The following GPC5 variants were observed in gnomAD, a reference collection of about 807,000 sequenced individuals.
The protein encoded by GPC5 is glypican-5.
A neutral mutation model predicts 53.9 loss-of-function variants in GPC5; 47 were observed. The ratio of observed to expected loss-of-function variants is 0.87; its 90% CI spans 0.69 to 1.11. The LOEUF (loss-of-function observed/expected upper bound fraction) is 1.11, where lower values mean the gene tolerates loss of function less well. Among genes scored for constraint, GPC5 ranks in the 50% most tolerant of loss-of-function variants. The probability of loss-of-function intolerance (pLI) is 0.00; values close to 1 mark genes in which losing one functional copy is unlikely to be tolerated. For synonymous variants in GPC5, 286 were observed against 263.3 expected (o/e 1.09, Z -0.84); for missense variants, 748 against 713.1 (o/e 1.05, Z -0.56).
At chr13:92,224,830 G>A (rs2042473338) in intron 7 of GPC5, among the ~76,000 whole-genome samples, 2 of 152,166 alleles carry the variant, frequency 1.3e-5, no homozygotes, top group Admixed American at 6.5e-5. Flanking sequence ...AGAAGCTTGT[G>A]CCTGGTTTCT....
At chr13:92,553,460 T>C (rs998848938) in intron 7 of GPC5, among the ~76,000 whole-genome samples, 1 of 151,996 alleles carries the variant, frequency 6.6e-6, no homozygotes, top group African/African-American at 2.4e-5. Context: ...AGTAGCCCTT[T>C]TGACATGTAG....
At chr13:92,106,345 A>C (rs150360775) in intron 6 of GPC5, among the ~76,000 whole-genome samples, 2 of 152,148 alleles carry the variant, frequency 1.3e-5, no homozygotes, top group African/African-American at 4.8e-5. Context: ...GATTGAGTTA[A>C]ATTTTGAAAA....
intron 6 of GPC5, among the ~76,000 whole-genome samples, chr13:91,940,325 C>A (rs917387411): frequency 2.0e-5 from 3 of 152,132 alleles, no homozygotes; most frequent in Admixed American, 2.0e-4. Flanking sequence ...GACATGATTT[C>A]ATCCTTTTTT....
intron 7 of GPC5, among the ~76,000 whole-genome samples, chr13:92,426,734 A>G (rs1329974095): frequency 6.6e-6 from 1 of 152,076 alleles, no homozygotes; most frequent in Non-Finnish European, 1.5e-5. Flanking sequence ...AATCAAAAAT[A>G]AAATGAAAAT....
At chr13:91,488,763 G>T (rs1367399841) in intron 2 of GPC5, among the ~76,000 whole-genome samples, 1 of 152,144 alleles carries the variant, frequency 6.6e-6, no homozygotes, top group Non-Finnish European at 1.5e-5. Context: ...ATATGTTCAG[G>T]GAACAAGAGA....
chr13:91,582,637 TA>T (rs1430268217), intron 2 of GPC5, among the ~76,000 whole-genome samples: 1 of 152,204 alleles, frequency 6.6e-6, no homozygotes, highest in Non-Finnish European at 1.5e-5. Context: ...TTATTTAATG[TA>T]ATTTCCCACT....
chr13:91,830,030 C>A (rs574496880), intron 5 of GPC5, among the ~76,000 whole-genome samples: 1 of 151,900 alleles, frequency 6.6e-6, no homozygotes, highest in African/African-American at 2.4e-5. Context: ...ACCGGTCTGA[C>A]CAAAATTTAT....
chr13:91,886,673 G>A (rs183154454), intron 5 of GPC5, among the ~76,000 whole-genome samples: 40 of 152,260 alleles, frequency 2.6e-4, no homozygotes, highest in African/African-American at 7.9e-4. Flanking sequence ...GAAATTGGTC[G>A]AAACGAAGGG....
At chr13:92,409,430 T>C (rs1330619414) in intron 7 of GPC5, among the ~76,000 whole-genome samples, 1 of 152,144 alleles carries the variant, frequency 6.6e-6, no homozygotes, top group East Asian at 1.9e-4. Flanking sequence ...GCAAGAAGTA[T>C]AGAAATTTCC....
At chr13:91,469,406 G>A (rs1160587633) in intron 2 of GPC5, among the ~76,000 whole-genome samples, 1 of 151,836 alleles carries the variant, frequency 6.6e-6, no homozygotes, top group Non-Finnish European at 1.5e-5. Context: ...GCTGCACCTG[G>A]CCTAATTTTC....
intron 5 of GPC5, among the ~76,000 whole-genome samples, chr13:91,832,300 C>CTTTTTTT (rs55698516): frequency 2.4e-5 from 3 of 122,988 alleles, no homozygotes; most frequent in African/African-American, 6.1e-5. Context: ...GCTTTTTTCT[C>CTTTTTTT]TTTTTTTTTT....
At chr13:92,373,229 T>C (rs1041909420) in intron 7 of GPC5, among the ~76,000 whole-genome samples, 1 of 152,194 alleles carries the variant, frequency 6.6e-6, no homozygotes, top group Non-Finnish European at 1.5e-5. Flanking sequence ...AGTTTTATTA[T>C]GTTAAAGCAC....
At chr13:92,838,695 T>C (rs1183078199) in intron 7 of GPC5, among the ~76,000 whole-genome samples, 1 of 152,034 alleles carries the variant, frequency 6.6e-6, no homozygotes, top group South Asian at 2.1e-4. Flanking sequence ...ATAACTATGA[T>C]TAATATGCCC....
intron 6 of GPC5, among the ~76,000 whole-genome samples, chr13:92,049,866 T>A (rs1015290396): frequency 6.6e-6 from 1 of 152,102 alleles, no homozygotes; most frequent in African/African-American, 2.4e-5. Flanking sequence ...AGATTTTTTT[T>A]AGCCACAAAA....
At chr13:92,061,399 T>G (rs1315738142) in intron 6 of GPC5, among the ~76,000 whole-genome samples, 1 of 152,054 alleles carries the variant, frequency 6.6e-6, no homozygotes, top group African/African-American at 2.4e-5. Flanking sequence ...TTATAGAATT[T>G]GTTTTAGACA....
At chr13:91,583,798 A>G (rs1255446304) in intron 2 of GPC5, among the ~76,000 whole-genome samples, 1 of 152,194 alleles carries the variant, frequency 6.6e-6, no homozygotes, top group Non-Finnish European at 1.5e-5. Flanking sequence ...AGATAAAAAA[A>G]TAGGATTTTT....
chr13:91,430,525 G>T (rs1879371244), intron 1 of GPC5, among the ~76,000 whole-genome samples: 1 of 152,124 alleles, frequency 6.6e-6, no homozygotes, highest in South Asian at 2.1e-4. Flanking sequence ...CTTCTGAGTG[G>T]TGTGGACTGA....
chr13:92,589,200 A>C (rs1446309154), intron 7 of GPC5, among the ~76,000 whole-genome samples: 3 of 152,196 alleles, frequency 2.0e-5, no homozygotes, highest in Non-Finnish European at 4.4e-5. Flanking sequence ...GCCTTGAGTA[A>C]CACTAGAAAG....
rs9523341 is a variant in GPC5, at chr13:91,481,819, A to G, written c.325+32897A>G. 8.2e-3 allele frequency among the ~76,000 whole-genome samples: 1,252 copies of G among 152,258 alleles called. 5 individuals carry two copies. The highest frequency in any genetic ancestry group is 0.014 in the Non-Finnish European group (955 of 68,012). The stretch of plus-strand genomic sequence containing the variant: ...AAAGATGATACCTGTGGAAGGATGC[A>G]TGTCCTTAACCCTATATCCCAAATG... On this transcript the variant is annotated intron_variant, in intron 2 of 7. Transcript: ENST00000377067.
Sources: gnomAD v4.1 joint callset for allele counts (sites outside exome capture counted in the v4.1 genomes callset) on GRCh38, gnomAD v4.1.1 for gene constraint, MANE v1.5 for transcripts, NCBI Gene and HGNC (gene_info 2026-07-23, HGNC 2026-07-21) for gene names.